The following EPAS1 variants were observed in gnomAD, a reference collection of about 807,000 sequenced individuals.
EPAS1 encodes endothelial PAS domain-containing protein 1.
Under a neutral mutation model 87.9 loss-of-function variants are expected in EPAS1, and 23 were observed. That is an observed-to-expected ratio of 0.26 (90% CI 0.19 to 0.37). The LOEUF (loss-of-function observed/expected upper bound fraction) is 0.37, where lower values mean the gene tolerates loss of function less well. Among genes scored for constraint, EPAS1 ranks in the 10% least tolerant of loss-of-function variants. EPAS1 has a pLI of 1.00. For synonymous variants in EPAS1, 508 were observed against 444.3 expected, an observed-to-expected ratio of 1.14 and a Z score of -1.80; for missense variants, 1,138 against 1,120.7, an observed-to-expected ratio of 1.02 and a Z score of -0.22.
chr2:46,308,041 C>T (rs770949092), intron 1 of EPAS1, among the ~76,000 whole-genome samples: 32 of 152,184 alleles, frequency 2.1e-4, no homozygotes, highest in Non-Finnish European at 4.3e-4. Context: ...CCCACCTCAC[C>T]TCTATCGCCC....
At chr2:46,334,553 C>T (rs958893752) in intron 1 of EPAS1, among the ~76,000 whole-genome samples, 2 of 152,186 alleles carry the variant, frequency 1.3e-5, no homozygotes, top group African/African-American at 2.4e-5. Flanking sequence ...GCTTTCTCCT[C>T]CCAAACTCCT....
Position 46,300,050 on chromosome 2 carries a change from C to A in EPAS1, c.26+2113C>A, listed in dbSNP as rs1335240237. The stretch of plus-strand genomic sequence containing the variant: ...AGAATGGCAGGGCAAACAGCGTGTC[C>A]TTCACCATCTAGAGCCCCTTAAGGG... On this transcript the variant is annotated intron_variant, in intron 1 of 15. Transcript: ENST00000263734. The surrounding 1 kb of genome is among the most constrained non-coding windows in gnomAD (Gnocchi z 4.1). Among the ~76,000 whole-genome samples the A allele has an allele frequency of 1.3e-5, 2 of 152,182 alleles. No individual in the cohort carries two copies. The highest frequency in any genetic ancestry group is 2.9e-5 in the Non-Finnish European group (2 of 68,030).
intron 1 of EPAS1, among the ~76,000 whole-genome samples, chr2:46,321,998 G>C (rs1683463301): frequency 6.6e-6 from 1 of 152,082 alleles, no homozygotes; most frequent in African/African-American, 2.4e-5. Context: ...CTGTGGGCTG[G>C]ATCTATCCTG....
intron 1 of EPAS1, 145 bp downstream of exon 1, chr2:46,298,082 G>A: frequency 2.9e-6 from 3 of 1,038,130 alleles, no homozygotes; most frequent in South Asian, 1.4e-5. Context: ...GTGAGGGGGA[G>A]AGCATGTGCC....
In EPAS1 at chr2:46,313,053, C is replaced by T. The variant is rs75004965; in HGVS notation, c.26+15116C>T. ...GTGGGCTCCCAAAGAAAGCAGATGA[C>T]TTGCCCAAGGTCTTTAAGAGGTCAG... is the stretch of plus-strand genomic sequence containing the variant. On this transcript the variant is annotated intron_variant, in intron 1 of 15. Transcript: ENST00000263734. Among the ~76,000 whole-genome samples the T allele has an allele frequency of 6.0e-3, 916 of 152,332 alleles. 17 individuals carry two copies. Among genetic ancestry groups the T allele is most frequent in the South Asian group, 0.041 (196 of 4,828 alleles).
intron 2 of EPAS1, among the ~76,000 whole-genome samples, chr2:46,355,908 A>G: frequency 6.6e-6 from 1 of 152,196 alleles, no homozygotes; most frequent in Non-Finnish European, 1.5e-5. Flanking sequence ...TGCTCTCATT[A>G]CTAGTGCCAG....
chr2:46,357,352 G>T (rs1684288308), intron 4 of EPAS1, among the ~76,000 whole-genome samples: 1 of 152,160 alleles, frequency 6.6e-6, no homozygotes, highest in Non-Finnish European at 1.5e-5. Flanking sequence ...GGACCTTGTG[G>T]CAGGTGGCTG....
At position 46,375,816 on chromosome 2, in the gene EPAS1, T is replaced by C. The variant is rs1196003836; in HGVS notation, c.1013T>C (p.Met338Thr). 6 of 1,614,040 alleles carry C rather than the reference T, an allele frequency of 3.7e-6. No homozygotes were observed. Among genetic ancestry groups the C allele is most frequent in the Non-Finnish European group, 5.1e-6 (6 of 1,180,028 alleles). The part of the protein sequence containing the change: ...NPRNLQPQCI[M>T]CVNYVLSEIE... Reference sequence around the variant, plus strand: ...CGCAACCTGCAGCCCCAGTGCATCATGTGTGTCAACTACGTCCTGAGGTAA... The same window carrying C: ...CGCAACCTGCAGCCCCAGTGCATCACGTGTGTCAACTACGTCCTGAGGTAA... The change falls in exon 8 of 16, where the codon ATG becomes ACG. Residue 338 changes from methionine (M) to threonine (T), a missense_variant. Coordinates refer to ENST00000263734, the MANE Select transcript of EPAS1 (RefSeq NM_001430.5). This position sits in a 1 kb window ranked among gnomAD's most constrained non-coding sequence, Gnocchi z 4.1.
chr2:46,322,222 C>T (rs900447374), intron 1 of EPAS1, among the ~76,000 whole-genome samples: 6 of 152,168 alleles, frequency 3.9e-5, no homozygotes, highest in Admixed American at 6.5e-5. Context: ...ATACAAACCC[C>T]TCCTCTTCTC....
chr2:46,326,208 C>A (rs1283129710), intron 1 of EPAS1, among the ~76,000 whole-genome samples: 1 of 152,142 alleles, frequency 6.6e-6, no homozygotes, highest in Non-Finnish European at 1.5e-5. Flanking sequence ...CAGCAGGGAA[C>A]CAACTTATGC....
At chr2:46,356,127 T>TTGGGGGGGGGGGG in intron 2 of EPAS1, 24 bp from the exon 3 acceptor site, 2 of 1,395,466 alleles carry the variant, frequency 1.4e-6, no homozygotes, top group Non-Finnish European at 2.0e-6. Context: ...TCATGCAAGC[T>TTGGGGGGGGGGGG]GTCCCACCCC....
chr2:46,376,684 AAGG>A lies in EPAS1; in HGVS notation c.1186_1188del (p.Glu396del), dbSNP rs1684756078. 2 of 1,613,820 alleles carry A rather than the reference AAGG, an allele frequency of 1.2e-6. No individual in the cohort carries two copies. Among genetic ancestry groups the A allele is most frequent in the Admixed American group, 1.7e-5 (1 of 59,990 alleles). ...GAGTAACTTCCTATTCACCAAGCTA[AAGG>A]AGGAGCCCGAGGAGCTGGCCCAGCT... On this transcript the variant is annotated inframe_deletion, in exon 9 of 16. Transcript: ENST00000263734.
rs544483626 is a variant in EPAS1, at chr2:46,300,196, C to T, written c.26+2259C>T. On this transcript the variant is annotated intron_variant, in intron 1 of 15. Coordinates refer to ENST00000263734, the MANE Select transcript of EPAS1 (RefSeq NM_001430.5). This position sits in a 1 kb window ranked among gnomAD's most constrained non-coding sequence, Gnocchi z 4.1. ...TGTAATTAAAATATGTGAACCAATA[C>T]ATTGAAAGTTGGTGTTGTCATGTAA... 1.3e-5 allele frequency among the ~76,000 whole-genome samples: 2 copies of T among 152,322 alleles called. No individual in the cohort carries two copies. The highest frequency in any genetic ancestry group is 2.4e-5 in the African/African-American group (1 of 41,572).
At chr2:46,335,192 C>A (rs1232519153) in intron 1 of EPAS1, among the ~76,000 whole-genome samples, 1 of 152,164 alleles carries the variant, frequency 6.6e-6, no homozygotes, top group Non-Finnish European at 1.5e-5. Context: ...GAAGTTCTGG[C>A]AACATGTTGG....
intron 1 of EPAS1, among the ~76,000 whole-genome samples, chr2:46,338,524 T>A (rs1683844761): frequency 1.3e-5 from 2 of 151,910 alleles, no homozygotes; most frequent in Non-Finnish European, 2.9e-5. Flanking sequence ...CAGCACCGAG[T>A]CTTCTCTATA....
At chr2:46,342,328 C>G (rs1238674403) in intron 1 of EPAS1, among the ~76,000 whole-genome samples, 1 of 152,214 alleles carries the variant, frequency 6.6e-6, no homozygotes, top group East Asian at 1.9e-4. Flanking sequence ...AGAAGTGTCA[C>G]TAGACCTCTC....
In EPAS1 at chr2:46,380,563, A is replaced by T. The variant is rs940851217; in HGVS notation, c.1891A>T (p.Met631Leu). Residue 631 changes from methionine to leucine, a missense_variant, in exon 12 of 16, where the codon ATG becomes TTG. Physicochemically the swap from Met to Leu is conservative, Grantham distance 15. Coordinates refer to ENST00000263734, the MANE Select transcript of EPAS1 (RefSeq NM_001430.5). The surrounding 1 kb of genome is among the most constrained non-coding windows in gnomAD (Gnocchi z 4.4). Reference protein sequence around the residue: ...CGQASTPLSSMGGRSNTQWPP... With the variant: ...CGQASTPLSSLGGRSNTQWPP... ...CCAGGCCAGCACCCCTCTCTCTTCC[A>T]TGGGGGGCAGATCCAATACCCAGTG... The T allele has an allele frequency of 6.2e-7, 1 of 1,614,010 alleles. No individual in the cohort carries two copies.
Position 46,346,984 on chromosome 2 carries a change from T to C in EPAS1, c.138T>C (p.Ser46=), listed in dbSNP as rs1419595958. ...ELAHELPLPH[S]VSSHLDKASI... ...CCCATGAGCTGCCTCTGCCCCACAG[T>C]GTGAGCTCCCATCTGGACAAGGCCT... is the stretch of plus-strand genomic sequence containing the variant. Residue 46 remains serine, a synonymous_variant, in exon 2 of 16, where the codon AGT becomes AGC. Coordinates refer to ENST00000263734, the MANE Select transcript of EPAS1 (RefSeq NM_001430.5). The surrounding 1 kb of genome is among the most constrained non-coding windows in gnomAD (Gnocchi z 4.0). 1.2e-6 allele frequency: 2 copies of C among 1,614,130 alleles called. No individual in the cohort carries two copies. Among genetic ancestry groups the C allele is most frequent in the Admixed American group, 1.7e-5 (1 of 60,008 alleles).
Position 46,375,586 on chromosome 2 carries a change from C to T in EPAS1, c.887-104C>T. On this transcript the variant is annotated intron_variant, in intron 7 of 15. Transcript: ENST00000263734. The surrounding 1 kb of genome is among the most constrained non-coding windows in gnomAD (Gnocchi z 4.1). Reference sequence around the variant, plus strand: ...TCACTGTCGTGGCGCCCTGTTCTGTCTGTTCCCCTGCAGATTAGACTGCCC... The same window carrying T: ...TCACTGTCGTGGCGCCCTGTTCTGTTTGTTCCCCTGCAGATTAGACTGCCC... 1 of 1,436,824 alleles carries T rather than the reference C, an allele frequency of 7.0e-7. No homozygotes were observed. Among genetic ancestry groups the T allele is most frequent in the Non-Finnish European group, 9.6e-7 (1 of 1,044,608 alleles). The allele number at this position is 1,436,824 out of a possible 1,614,324, so 89.0% of individuals were successfully genotyped here.
Sources: allele counts gnomAD v4.1 joint callset (sites outside exome capture counted in the v4.1 genomes callset), GRCh38; gene constraint gnomAD v4.1.1; non-coding constraint Gnocchi (gnomAD v3.1); transcripts MANE v1.5; gene names NCBI Gene and HGNC (gene_info 2026-07-23, HGNC 2026-07-21).